The following TAMM41 variants were observed in gnomAD, a reference collection of about 807,000 sequenced individuals.
TAMM41 encodes the protein phosphatidate cytidylyltransferase, mitochondrial.
TAMM41 carries 36 observed loss-of-function variants against 44.1 expected under a neutral mutation model. That is an observed-to-expected ratio of 0.82 (90% CI 0.63 to 1.08). The LOEUF (loss-of-function observed/expected upper bound fraction) is 1.08. TAMM41 is among the 50% of genes least tolerant of loss of function. TAMM41 has a pLI of 0.00. For missense variants in TAMM41, 417 were observed against 404.3 expected, an observed-to-expected ratio of 1.03 and a Z score of -0.27; for synonymous variants, 164 against 153.1, an observed-to-expected ratio of 1.07 and a Z score of -0.53.
At chr3:11,821,149 T>A (rs867743090) in intron 4 of TAMM41, among the ~76,000 whole-genome samples, 1 of 152,234 alleles carries the variant, frequency 6.6e-6, no homozygotes, top group Non-Finnish European at 1.5e-5. Context: ...AGAGGTTTTG[T>A]GGAAGACAAT....
At chr3:11,780,982 A>G in the TAMM41 span, among the ~76,000 whole-genome samples, 1 of 152,186 alleles carries the variant, frequency 6.6e-6, no homozygotes, top group East Asian at 1.9e-4. Flanking sequence ...CTGTAAGCTT[A>G]CTGAGGCAGC....
intron 7 of TAMM41, among the ~76,000 whole-genome samples, chr3:11,791,066 G>T (rs1295266424): frequency 6.6e-6 from 1 of 152,136 alleles, no homozygotes; most frequent in Non-Finnish European, 1.5e-5. Flanking sequence ...TCTTCTCTAG[G>T]AAGTGCTTCC....
At chr3:11,801,172 C>G (rs551889005) in intron 7 of TAMM41, among the ~76,000 whole-genome samples, 132 of 151,008 alleles carry the variant, frequency 8.7e-4, no homozygotes, top group Non-Finnish European at 1.6e-3. Flanking sequence ...CAAAACAAGT[C>G]TTAACAAATT....
At chr3:11,837,062 T>C (rs979290046) in intron 3 of TAMM41, among the ~76,000 whole-genome samples, 7 of 152,242 alleles carry the variant, frequency 4.6e-5, no homozygotes, top group African/African-American at 1.7e-4. Flanking sequence ...CGAGTATTTC[T>C]GGACATTTTA....
At chr3:11,824,596 C>T (rs1175833487) in intron 4 of TAMM41, among the ~76,000 whole-genome samples, 5 of 152,084 alleles carry the variant, frequency 3.3e-5, no homozygotes. Flanking sequence ...GCCTGGCCTT[C>T]CTTTTGTATA....
chr3:11,745,608 A>G, the TAMM41 span, among the ~76,000 whole-genome samples: 1 of 152,304 alleles, frequency 6.6e-6, no homozygotes, highest in African/African-American at 2.4e-5. Context: ...TTCCACATCT[A>G]TGAGGTACCT....
At chr3:11,746,594 A>G in the TAMM41 span, among the ~76,000 whole-genome samples, 1 of 133,052 alleles carries the variant, frequency 7.5e-6, no homozygotes, top group African/African-American at 3.1e-5. Flanking sequence ...TGCTGGGGGA[A>G]AAAAAACATA....
rs76694157 is a variant in TAMM41 at position 11,832,717 on chromosome 3, G to C, written c.412-2853C>G. Reference sequence around the variant, plus strand: ...AGTGCTCTTTCCACAACTCTGTGATGTCTCTCTACTTCCACATTCCCGTTC... The same window carrying C: ...AGTGCTCTTTCCACAACTCTGTGATCTCTCTCTACTTCCACATTCCCGTTC... On this transcript the variant is annotated intron_variant, in intron 3 of 7. Transcript: ENST00000455809. 3.4e-3 allele frequency among the ~76,000 whole-genome samples: 525 copies of C among 152,328 alleles called. 1 individual carries two copies. The highest frequency in any genetic ancestry group is 0.012 in the African/African-American group (508 of 41,578).
At chr3:11,770,574 A>T in the TAMM41 span, among the ~76,000 whole-genome samples, 1 of 152,138 alleles carries the variant, frequency 6.6e-6, no homozygotes, top group Non-Finnish European at 1.5e-5. Flanking sequence ...GATTCTGTCA[A>T]CTCAGGGTAG....
chr3:11,835,216 G>A (rs894202045), intron 3 of TAMM41, among the ~76,000 whole-genome samples: 2 of 152,118 alleles, frequency 1.3e-5, no homozygotes, highest in African/African-American at 4.8e-5. Flanking sequence ...GTTCAAGTCT[G>A]ATTAATATTT....
intron 4 of TAMM41, among the ~76,000 whole-genome samples, chr3:11,829,025 G>T (rs1414159152): frequency 1.3e-5 from 2 of 152,070 alleles, no homozygotes; most frequent in African/African-American, 4.8e-5. Flanking sequence ...AAGATAGATG[G>T]GGGCTCCTCT....
intron 1 of TAMM41, 60 bp from the exon 2 acceptor site, chr3:11,844,271 G>T: frequency 6.6e-7 from 1 of 1,518,828 alleles, no homozygotes. Flanking sequence ...CAGCAAGAGA[G>T]CATGGAAAAG....
At chr3:11,734,494 C>T in the TAMM41 span, among the ~76,000 whole-genome samples, 1 of 152,106 alleles carries the variant, frequency 6.6e-6, no homozygotes, top group Non-Finnish European at 1.5e-5. Flanking sequence ...GTCATATGGG[C>T]CCTTCACTGC....
At chr3:11,729,629 C>T in the TAMM41 span, among the ~76,000 whole-genome samples, 3 of 140,416 alleles carry the variant, frequency 2.1e-5, no homozygotes, top group East Asian at 4.4e-4. Flanking sequence ...GGTGCCATCT[C>T]GGCTCACTGC....
At chr3:11,725,168 C>T in the TAMM41 span, among the ~76,000 whole-genome samples, 1 of 128,734 alleles carries the variant, frequency 7.8e-6, no homozygotes, top group Non-Finnish European at 1.7e-5. Flanking sequence ...TCTCCTCCCT[C>T]CTTGTTCTCT....
At chr3:11,807,924 A>C (rs1465372079) in intron 6 of TAMM41, 29 bp from the exon 7 acceptor site, 7 of 1,489,572 alleles carry the variant, frequency 4.7e-6, no homozygotes, top group Non-Finnish European at 6.2e-6. Flanking sequence ...AAAGGAGACC[A>C]AAAAAACCCA....
At chr3:11,759,015 T>A in the TAMM41 span, among the ~76,000 whole-genome samples, 1 of 152,142 alleles carries the variant, frequency 6.6e-6, no homozygotes, top group South Asian at 2.1e-4. Flanking sequence ...CTCCCCCAAA[T>A]CCCATTAATT....
the TAMM41 span, among the ~76,000 whole-genome samples, chr3:11,780,747 T>A: frequency 6.6e-6 from 1 of 152,178 alleles, no homozygotes; most frequent in Admixed American, 6.5e-5. Flanking sequence ...AATTAAGTAC[T>A]TATCAGAGAA....
downstream of TAMM41, among the ~76,000 whole-genome samples, chr3:11,790,133 CA>C (rs2124905936): frequency 1.3e-5 from 2 of 152,318 alleles, no homozygotes; most frequent in South Asian, 4.1e-4. Flanking sequence ...AGACTAGAGA[CA>C]TAACAAGCCA....
Sources: gnomAD v4.1 joint callset for allele counts (sites outside exome capture counted in the v4.1 genomes callset) on GRCh38, gnomAD v4.1.1 for gene constraint, MANE v1.5 for transcripts, NCBI Gene and HGNC (gene_info 2026-07-23, HGNC 2026-07-21) for gene names.